The following TBCK variants were observed in gnomAD, a reference collection of about 807,000 sequenced individuals.
The protein encoded by TBCK is TBC1 domain containing kinase.
A neutral mutation model predicts 113.4 loss-of-function variants in TBCK; 99 were observed. The observed-to-expected ratio is 0.87, with a 90% CI of 0.74 to 1.03. TBCK has a LOEUF of 1.03. Ranked by LOEUF, TBCK falls within the 50% of genes least tolerant of loss-of-function variation. The probability of loss-of-function intolerance (pLI) is 0.00; values close to 1 mark genes in which losing one functional copy is unlikely to be tolerated. For synonymous variants in TBCK, 369 were observed against 370.8 expected (o/e 1.00, Z 0.05); for missense variants, 1,045 against 1,061.3 (o/e 0.98, Z 0.21).
intron 5 of TBCK, chr4:106,254,947 C>A (rs12639869): frequency 0.14 from 23,678 of 164,326 alleles, 1,906 homozygotes; most frequent in South Asian, 0.24. Flanking sequence ...ACATACATAC[C>A]TTTTAGTTTC....
chr4:106,087,204 C>T (rs1739615397), intron 25 of TBCK, among the ~76,000 whole-genome samples: 1 of 152,190 alleles, frequency 6.6e-6, no homozygotes, highest in South Asian at 2.1e-4. Context: ...AGCCCCAAAA[C>T]TTCTTGAACT....
At chr4:106,248,885 A>T in intron 8 of TBCK, 36 bp downstream of exon 8, 1 of 1,527,040 alleles carries the variant, frequency 6.5e-7, no homozygotes, top group Non-Finnish European at 8.9e-7. Context: ...TTGTTATAGC[A>T]GCACAAATGG....
At chr4:106,124,622 C>T (rs1319220898) in intron 23 of TBCK, among the ~76,000 whole-genome samples, 1 of 152,016 alleles carries the variant, frequency 6.6e-6, no homozygotes, top group African/African-American at 2.4e-5. Context: ...CAATGATAGA[C>T]TGGATTAAGA....
chr4:106,287,317 G>C (rs1765213982), intron 3 of TBCK, among the ~76,000 whole-genome samples: 1 of 151,982 alleles, frequency 6.6e-6, no homozygotes, highest in African/African-American at 2.4e-5. Flanking sequence ...ATAATTTTAA[G>C]AATTCCAGAT....
intron 2 of TBCK, among the ~76,000 whole-genome samples, chr4:106,304,807 AT>A (rs1767332640): frequency 6.6e-6 from 1 of 152,188 alleles, no homozygotes; most frequent in Non-Finnish European, 1.5e-5. Flanking sequence ...GATAAATTCC[AT>A]TTGGAAATTA....
At chr4:106,066,469 T>G (rs185047102) in intron 25 of TBCK, among the ~76,000 whole-genome samples, 1 of 152,140 alleles carries the variant, frequency 6.6e-6, no homozygotes. Context: ...CGGGTGATAT[T>G]AGGGTAGCCT....
At chr4:106,280,284 A>AT (rs1344378384) in intron 3 of TBCK, among the ~76,000 whole-genome samples, 2 of 151,756 alleles carry the variant, frequency 1.3e-5, no homozygotes, top group Non-Finnish European at 2.9e-5. Context: ...GGAATATTAG[A>AT]TTTTTTCCTA....
In TBCK at chr4:106,046,684, G is replaced by GAA; in HGVS notation, c.2572-6_2572-5dup. Reference sequence around the variant, plus strand: ...TCTTCACAAGGTGAGCTGCAAACTGGAAAAAAAAAGAGGCAAAATTTTTAG... The same window carrying GAA: ...TCTTCACAAGGTGAGCTGCAAACTGGAAAAAAAAAAAGAGGCAAAATTTTTAG... On this transcript the variant is annotated splice_polypyrimidine_tract_variant and splice_region_variant and intron_variant, in intron 25 of 25. Coordinates refer to ENST00000394708, the MANE Select transcript of TBCK (RefSeq NM_001163435.3). 3 of 1,520,240 alleles carry GAA rather than the reference G, an allele frequency of 2.0e-6. No homozygotes were observed. The highest frequency in any genetic ancestry group is 2.7e-6 in the Non-Finnish European group (3 of 1,113,202). 94.2% of individuals were successfully genotyped at this position (1,520,240 alleles called of 1,614,324 possible).
chr4:106,094,393 A>T (rs1356304802), intron 25 of TBCK, among the ~76,000 whole-genome samples: 4 of 152,062 alleles, frequency 2.6e-5, no homozygotes, highest in Non-Finnish European at 1.5e-5. Flanking sequence ...AATCATGCAT[A>T]CTTTTTATTT....
At chr4:106,219,444 T>C (rs1185777794) in intron 19 of TBCK, among the ~76,000 whole-genome samples, 1 of 151,626 alleles carries the variant, frequency 6.6e-6, no homozygotes, top group Non-Finnish European at 1.5e-5. Flanking sequence ...AAGAATACCA[T>C]GTTTAATCAG....
intron 20 of TBCK, among the ~76,000 whole-genome samples, chr4:106,197,411 G>GTGTGTATATATATATATATATATATA (rs35695611): frequency 8.2e-6 from 1 of 122,446 alleles, no homozygotes; most frequent in African/African-American, 3.1e-5. Context: ...GTGTGTGTGT[G>GTGTGTATATATATATATATATATATA]TATATATATA....
At chr4:106,079,036 A>G (rs1035464652) in intron 25 of TBCK, among the ~76,000 whole-genome samples, 1 of 152,226 alleles carries the variant, frequency 6.6e-6, no homozygotes, top group African/African-American at 2.4e-5. Context: ...AACAAAAACC[A>G]TGATCATCTC....
intron 25 of TBCK, among the ~76,000 whole-genome samples, chr4:106,085,914 C>T (rs554363151): frequency 6.6e-6 from 1 of 152,192 alleles, no homozygotes; most frequent in Admixed American, 6.5e-5. Context: ...AACAAAGAGA[C>T]AATGCACCAG....
chr4:106,182,150 C>T (rs1318583104), intron 22 of TBCK, among the ~76,000 whole-genome samples: 11 of 152,068 alleles, frequency 7.2e-5, no homozygotes. Flanking sequence ...GGAGTTCACT[C>T]ATGATTTGGC....
chr4:106,279,086 T>C lies in TBCK; in HGVS notation c.266+16008A>G, dbSNP rs528812662. On this transcript the variant is annotated intron_variant, in intron 3 of 25. Coordinates refer to ENST00000394708, the MANE Select transcript of TBCK (RefSeq NM_001163435.3). ...TAGTTAATTTAATGGATATAGACCT[T>C]TTCTATACCTTTTATGGATATAGAC... 8.3e-4 allele frequency among the ~76,000 whole-genome samples: 126 copies of C among 152,262 alleles called. 3 individuals are homozygous for C. The highest frequency in any genetic ancestry group is 8.1e-3 in the South Asian group (39 of 4,824).
chr4:106,275,715 T>C (rs527647875), intron 3 of TBCK, among the ~76,000 whole-genome samples: 2 of 152,170 alleles, frequency 1.3e-5, no homozygotes, highest in East Asian at 1.9e-4. Flanking sequence ...TTTTAAAAAG[T>C]AAAGCAAGAA....
chr4:106,230,472 G>T, intron 18 of TBCK, 26 bp from the exon 19 acceptor site: 2 of 1,483,648 alleles, frequency 1.3e-6, no homozygotes, highest in Non-Finnish European at 1.9e-6. Flanking sequence ...GCAAAGGCAT[G>T]TAAAAAATTA....
At chr4:106,191,719 C>T (rs1406932611) in intron 22 of TBCK, among the ~76,000 whole-genome samples, 2 of 152,062 alleles carry the variant, frequency 1.3e-5, no homozygotes, top group Non-Finnish European at 2.9e-5. Flanking sequence ...ATAAGCAAAA[C>T]AGATTAATTA....
At chr4:106,178,789 T>C (rs1302661672) in intron 22 of TBCK, among the ~76,000 whole-genome samples, 1 of 151,828 alleles carries the variant, frequency 6.6e-6, no homozygotes, top group Admixed American at 6.6e-5. Context: ...GAAAGTATCC[T>C]CTCCTCTTCA....
Sources: gnomAD v4.1 joint callset for allele counts (sites outside exome capture counted in the v4.1 genomes callset) on GRCh38, gnomAD v4.1.1 for gene constraint, MANE v1.5 for transcripts, NCBI Gene and HGNC (gene_info 2026-07-23, HGNC 2026-07-21) for gene names.